The following TASP1 variants were observed in gnomAD, a reference collection of about 807,000 sequenced individuals.
TASP1 encodes the protein threonine aspartase 1.
In TASP1, 16 loss-of-function variants were observed where a neutral mutation model predicts 56.6. The observed-to-expected ratio is 0.28, with a 90% CI of 0.19 to 0.43. The LOEUF (loss-of-function observed/expected upper bound fraction) is 0.43. Ranked by LOEUF, TASP1 falls within the 20% of genes least tolerant of loss-of-function variation. TASP1 has a pLI of 1.00. For synonymous variants in TASP1, 179 were observed against 184.2 expected (o/e 0.97, Z 0.23); for missense variants, 393 against 511.6 (o/e 0.77, Z 2.24).
the TASP1 span, among the ~76,000 whole-genome samples, chr20:13,242,311 C>G: frequency 1.2e-4 from 19 of 152,100 alleles, no homozygotes; most frequent in African/African-American, 4.3e-4. Flanking sequence ...ACCAGAAACT[C>G]CACAGAGCAG....
the TASP1 span, among the ~76,000 whole-genome samples, chr20:13,173,164 T>G: frequency 1.3e-5 from 2 of 152,342 alleles, no homozygotes; most frequent in Non-Finnish European, 2.9e-5. Flanking sequence ...TTGAGAGTGC[T>G]GGCAAGCCCT....
chr20:13,509,124 AGTGTGTGTGTGTGTGTGT>A (rs71334125), intron 10 of TASP1, among the ~76,000 whole-genome samples: 1 of 142,778 alleles, frequency 7.0e-6, no homozygotes, highest in Non-Finnish European at 1.5e-5. Context: ...GAATGAAGAA[AGTGTGTGTGTGTGTGTGT>A]GTGTGTGTGT....
At chr20:13,246,639 G>A in the TASP1 span, among the ~76,000 whole-genome samples, 9 of 152,198 alleles carry the variant, frequency 5.9e-5, no homozygotes, top group Admixed American at 1.3e-4. Flanking sequence ...CCTGAGACCC[G>A]GAAAGTTTAC....
rs1385120914 is a variant in TASP1 at position 13,457,369 on chromosome 20, T to C, written c.986-22215A>G. ...AATGTAAAAAGCAGGATGGTATATA[T>C]ACGATAGGATGGCTTTAGGGAAGTC... On this transcript the variant is annotated intron_variant, in intron 11 of 13. Coordinates refer to ENST00000337743, the MANE Select transcript of TASP1 (RefSeq NM_017714.3). Among the ~76,000 whole-genome samples, 4 of 152,118 alleles carry C rather than the reference T, an allele frequency of 2.6e-5. No homozygotes were observed. In the East Asian group the frequency reaches 7.7e-4, roughly 29 times the overall value.
chr20:13,519,147 A>C (rs1411334331), intron 10 of TASP1, among the ~76,000 whole-genome samples: 1 of 152,118 alleles, frequency 6.6e-6, no homozygotes. Flanking sequence ...GGACATAAAG[A>C]TAGGAACAAT....
chr20:13,162,230 G>C, the TASP1 span, among the ~76,000 whole-genome samples: 6 of 152,214 alleles, frequency 3.9e-5, no homozygotes, highest in Non-Finnish European at 8.8e-5. Flanking sequence ...ACCTTGCACA[G>C]AAGGGAGAGA....
At chr20:13,615,502 G>GT (rs756677945) in intron 4 of TASP1, among the ~76,000 whole-genome samples, 5,286 of 132,186 alleles carry the variant, frequency 0.04, 143 homozygotes, top group Admixed American at 0.066. Flanking sequence ...TGAGAATCTG[G>GT]TTTTTTTTTT....
At chr20:13,387,869 A>G (rs1416335206), downstream of TASP1, among the ~76,000 whole-genome samples, 6 of 152,288 alleles carry the variant, frequency 3.9e-5, no homozygotes, top group Non-Finnish European at 8.8e-5. Flanking sequence ...ATAGGCAGAC[A>G]TACTGAAGGC....
chr20:13,296,894 A>T, the TASP1 span, among the ~76,000 whole-genome samples: 1 of 152,092 alleles, frequency 6.6e-6, no homozygotes, highest in African/African-American at 2.4e-5. Flanking sequence ...GGCAGGTGCC[A>T]GTATTCCCAG....
chr20:13,434,756 G>A (rs531392430), intron 12 of TASP1, among the ~76,000 whole-genome samples: 7 of 152,258 alleles, frequency 4.6e-5, no homozygotes, highest in African/African-American at 1.7e-4. Flanking sequence ...TGTGGAATAA[G>A]ATAGGACATG....
At chr20:13,171,391 T>A in the TASP1 span, among the ~76,000 whole-genome samples, 59 of 152,138 alleles carry the variant, frequency 3.9e-4, no homozygotes, top group African/African-American at 1.4e-3. Context: ...AAAATATCCA[T>A]GAAGAGTTTT....
At chr20:13,354,817 C>T in the TASP1 span, among the ~76,000 whole-genome samples, 3 of 151,016 alleles carry the variant, frequency 2.0e-5, no homozygotes, top group Non-Finnish European at 3.0e-5. Context: ...AAAAAAAAAA[C>T]GGAACAAAGA....
chr20:13,377,236 A>G, the TASP1 span, among the ~76,000 whole-genome samples: 1 of 152,180 alleles, frequency 6.6e-6, no homozygotes, highest in Non-Finnish European at 1.5e-5. Context: ...TATTATTTTG[A>G]GATACATTCC....
intron 1 of TASP1, among the ~76,000 whole-genome samples, chr20:13,632,816 T>C (rs1026344372): frequency 6.6e-6 from 1 of 152,040 alleles, no homozygotes; most frequent in African/African-American, 2.4e-5. Flanking sequence ...ATCTAATAAA[T>C]AAAGAGTGCC....
chr20:13,210,921 G>C, the TASP1 span, among the ~76,000 whole-genome samples: 2 of 152,086 alleles, frequency 1.3e-5, no homozygotes, highest in Admixed American at 1.3e-4. Context: ...TCTTACCACA[G>C]AGCCAATGAG....
Position 13,587,328 on chromosome 20 carries a change from G to A in TASP1, c.325C>T (p.Leu109=). The A allele has an allele frequency of 6.2e-7, 1 of 1,611,438 alleles. No homozygotes were observed. The highest frequency in any genetic ancestry group is 8.5e-7 in the Non-Finnish European group (1 of 1,178,846). Residue 109 remains leucine (L), a synonymous_variant, in exon 5 of 14, where the codon CTG becomes TTG. Coordinates refer to ENST00000337743, the MANE Select transcript of TASP1 (RefSeq NM_017714.3). The part of the protein sequence containing the change: ...TNAGMGSNLN[L]LGEIECDASI... Reference sequence around the variant, plus strand: ...GCATCACACTCAATTTCACCTAACAGATTTAGATTAGATCCCATTCCTGCA... The same window carrying A: ...GCATCACACTCAATTTCACCTAACAAATTTAGATTAGATCCCATTCCTGCA...
chr20:13,387,225 C>G (rs576583222), downstream of TASP1, among the ~76,000 whole-genome samples: 1 of 109,772 alleles, frequency 9.1e-6, no homozygotes, highest in East Asian at 2.8e-4. Flanking sequence ...TGGAGTTTCA[C>G]TCTCGTCACC....
At chr20:13,538,048 G>A (rs1388095885) in intron 8 of TASP1, among the ~76,000 whole-genome samples, 3 of 150,784 alleles carry the variant, frequency 2.0e-5, no homozygotes, top group Non-Finnish European at 4.4e-5. Context: ...TGTTGCCCAG[G>A]CTGGAGTGCA....
the TASP1 span, among the ~76,000 whole-genome samples, chr20:13,268,150 T>TCTTCTCTTCTCTTCC: frequency 1.4e-5 from 2 of 141,510 alleles, no homozygotes; most frequent in Non-Finnish European, 3.1e-5. Flanking sequence ...TCTTCTCTTC[T>TCTTCTCTTCTCTTCC]CTTCCCTTCC....
Sources: allele counts gnomAD v4.1 joint callset (sites outside exome capture counted in the v4.1 genomes callset), GRCh38; gene constraint gnomAD v4.1.1; transcripts MANE v1.5; gene names NCBI Gene and HGNC (gene_info 2026-07-23, HGNC 2026-07-21).